Variants in MATN2 observed in about 807,000 individuals in gnomAD.
MATN2 encodes matrilin-2.
A neutral mutation model predicts 103.2 loss-of-function variants in MATN2; 69 were observed. The observed-to-expected ratio is 0.67, with a 90% CI of 0.55 to 0.82. The LOEUF (loss-of-function observed/expected upper bound fraction) is 0.82. Among genes scored for constraint, MATN2 ranks in the 40% least tolerant of loss-of-function variants. The probability of loss-of-function intolerance (pLI) is 0.00; values close to 1 mark genes in which losing one functional copy is unlikely to be tolerated. For synonymous variants in MATN2, 429 were observed against 450.2 expected, an observed-to-expected ratio of 0.95 and a Z score of 0.60; for missense variants, 1,023 against 1,211.5, an observed-to-expected ratio of 0.84 and a Z score of 2.31.
rs1393549772 is a variant in MATN2, at chr8:98,032,287, G to A, written c.2551G>A (p.Glu851Lys). The A allele has an allele frequency of 6.2e-7, 1 of 1,611,980 alleles. No individual in the cohort carries two copies. The highest frequency in any genetic ancestry group is 8.5e-7 in the Non-Finnish European group (1 of 1,178,956). ...SDGRQDSPAGELPKTVQQPTE... is the reference protein window; with the variant it reads ...SDGRQDSPAGKLPKTVQQPTE... ...TGGAAGACAGGACTCTCCAGCAGGG[G>A]AACTGCCAAAAACGGTCCAACAGCC... The change falls in exon 16 of 19, where the codon GAA (glutamate) becomes AAA (lysine). Residue 851 changes from glutamate to lysine, a missense_variant. Transcript: ENST00000254898.
chr8:98,016,651 A>C lies in MATN2; in HGVS notation c.1685A>C (p.Lys562Thr). 1 of 1,611,596 alleles carries C rather than the reference A, an allele frequency of 6.2e-7. No homozygotes were observed. The highest frequency in any genetic ancestry group is 8.5e-7 in the Non-Finnish European group (1 of 1,178,656). The change falls in exon 11 of 19, where the codon AAA (lysine) becomes ACA (threonine). Residue 562 changes from lysine (K) to threonine (T), a missense_variant. Transcript: ENST00000254898. Reference sequence around the variant, plus strand: ...GGTTATATACTCCGTGAAGATGGAAAAACCTGCAGAAGTAAGTTTGTACTG... The same window carrying C: ...GGTTATATACTCCGTGAAGATGGAACAACCTGCAGAAGTAAGTTTGTACTG... ...FEGYILREDG[K>T]TCRRKDVCQA...
chr8:98,034,240 G>A lies in MATN2; in HGVS notation c.2815+581G>A, dbSNP rs569017771. ...CACCAAGGGAACAGCAGGATCCAAT[G>A]ATTCATTTAAACAATATTAAATAAA... On this transcript the variant is annotated intron_variant, in intron 18 of 18. Transcript: ENST00000254898. 1,065 of 453,712 alleles carry A rather than the reference G, an allele frequency of 2.3e-3. 3 individuals carry two copies. Among genetic ancestry groups the A allele is most frequent in the Middle Eastern group, 4.6e-3 (14 of 3,068 alleles). 28.1% of individuals were successfully genotyped at this position (453,712 alleles called of 1,614,324 possible).
chr8:97,963,762 C>A (rs1307594713), intron 5 of MATN2, among the ~76,000 whole-genome samples: 1 of 152,154 alleles, frequency 6.6e-6, no homozygotes, highest in African/African-American at 2.4e-5. Flanking sequence ...GTCAGATGAT[C>A]CTAGCATCAC....
At chr8:97,937,072 C>A (rs777547334) in intron 3 of MATN2, among the ~76,000 whole-genome samples, 6 of 152,236 alleles carry the variant, frequency 3.9e-5, no homozygotes, top group Middle Eastern at 3.4e-3. Flanking sequence ...GAAGCATGGC[C>A]CCACCAGCCC....
intron 1 of MATN2, among the ~76,000 whole-genome samples, chr8:97,879,543 C>G (rs955538270): frequency 3.9e-5 from 6 of 152,200 alleles, no homozygotes; most frequent in African/African-American, 1.4e-4. Context: ...AGAACATTCG[C>G]TGCAGCAGTG....
At chr8:97,954,400 TATCA>T (rs1020829688) in intron 4 of MATN2, among the ~76,000 whole-genome samples, 1 of 152,266 alleles carries the variant, frequency 6.6e-6, no homozygotes, top group African/African-American at 2.4e-5. Flanking sequence ...CTTTGTTTAC[TATCA>T]ATCTTCTATC....
chr8:97,997,420 G>A (rs919097717), intron 7 of MATN2, among the ~76,000 whole-genome samples: 5 of 152,172 alleles, frequency 3.3e-5, no homozygotes, highest in African/African-American at 1.2e-4. Context: ...CTTACTATCT[G>A]TGCACTCAGC....
chr8:97,894,821 T>C (rs754510521), intron 2 of MATN2, among the ~76,000 whole-genome samples: 4 of 152,200 alleles, frequency 2.6e-5, no homozygotes, highest in Non-Finnish European at 4.4e-5. Context: ...AATGTAAGCA[T>C]GGCCTGCTCT....
chr8:97,948,450 G>A (rs1288403186), intron 4 of MATN2, among the ~76,000 whole-genome samples: 1 of 152,142 alleles, frequency 6.6e-6, no homozygotes, highest in Non-Finnish European at 1.5e-5. Context: ...TCAAGACTAA[G>A]TATAAAACAA....
chr8:97,936,796 C>T (rs1810382429), intron 3 of MATN2, among the ~76,000 whole-genome samples: 1 of 152,178 alleles, frequency 6.6e-6, no homozygotes, highest in South Asian at 2.1e-4. Flanking sequence ...CGCAAAGGCC[C>T]ATCCCACAGA....
At chr8:97,934,180 G>A (rs1490735902) in intron 3 of MATN2, among the ~76,000 whole-genome samples, 1 of 152,198 alleles carries the variant, frequency 6.6e-6, no homozygotes, top group East Asian at 1.9e-4. Context: ...ACCTAAAATA[G>A]GTGAAACTCT....
At chr8:98,001,891 A>G (rs1812798357) in intron 7 of MATN2, among the ~76,000 whole-genome samples, 2 of 152,168 alleles carry the variant, frequency 1.3e-5, no homozygotes, top group African/African-American at 4.8e-5. Flanking sequence ...ACTGACAAAG[A>G]AGAACATGGT....
chr8:97,922,632 AG>A (rs111795732), intron 2 of MATN2, among the ~76,000 whole-genome samples: 52 of 152,322 alleles, frequency 3.4e-4, no homozygotes, highest in African/African-American at 1.1e-3. Flanking sequence ...ATCCAGGCTG[AG>A]GGGGACAGGG....
At chr8:97,965,665 T>A (rs1811455291) in intron 5 of MATN2, among the ~76,000 whole-genome samples, 1 of 151,660 alleles carries the variant, frequency 6.6e-6, no homozygotes, top group Non-Finnish European at 1.5e-5. Context: ...GAGACCCCCA[T>A]CTCTACCAAA....
In MATN2 at chr8:98,033,115, G is replaced by C. The variant is rs762513561; in HGVS notation, c.2655G>C (p.Leu885=). 1 of 1,611,174 alleles carries C rather than the reference G, an allele frequency of 6.2e-7. No individual in the cohort carries two copies. Among genetic ancestry groups the C allele is most frequent in the East Asian group, 2.2e-5 (1 of 44,838 alleles). The change falls in exon 17 of 19, where the codon CTG becomes CTC. Residue 885 remains leucine (L), a synonymous_variant. Transcript: ENST00000254898. The stretch of plus-strand genomic sequence containing the variant: ...ATTTTGCAGTGCAACACAGATATCT[G>C]TTTGAAGAAGACAATCTTTTACGGT... ...CSNFAVQHRY[L]FEEDNLLRST...
In MATN2 at chr8:97,951,412, A is replaced by G. The variant is rs139926354; in HGVS notation, c.835+9513A>G. ...TTTCCTCCGCTTGGCTGTTTTTATGAGGACCCAGGCAAGTGGTTCTCAAAG... is the reference window on the plus strand; with the variant it reads ...TTTCCTCCGCTTGGCTGTTTTTATGGGGACCCAGGCAAGTGGTTCTCAAAG... On this transcript the variant is annotated intron_variant, in intron 4 of 18. Transcript: ENST00000254898. Among the ~76,000 whole-genome samples the G allele has an allele frequency of 1.9e-3, 283 of 152,294 alleles. 1 individual carries two copies. The highest frequency in any genetic ancestry group is 6.5e-3 in the African/African-American group (269 of 41,570).
chr8:98,022,784 CT>C (rs1464514703), intron 13 of MATN2, among the ~76,000 whole-genome samples: 1 of 152,194 alleles, frequency 6.6e-6, no homozygotes, highest in Admixed American at 6.5e-5. Context: ...CCCGTGTGAC[CT>C]TGGTCAAATT....
At chr8:97,898,399 C>T (rs1818882790) in intron 2 of MATN2, among the ~76,000 whole-genome samples, 1 of 151,992 alleles carries the variant, frequency 6.6e-6, no homozygotes, top group African/African-American at 2.4e-5. Context: ...AGTTTGAGAC[C>T]AGCCTGGCCA....
intron 4 of MATN2, among the ~76,000 whole-genome samples, chr8:97,945,717 A>AAATATATATATATAT (rs59472539): frequency 1.3e-4 from 16 of 121,808 alleles, no homozygotes; most frequent in African/African-American, 4.7e-4. Flanking sequence ...AAAAAAAAAA[A>AAATATATATATATAT]ATATATATAT....
Sources: allele counts gnomAD v4.1 joint callset (sites outside exome capture counted in the v4.1 genomes callset), GRCh38; gene constraint gnomAD v4.1.1; transcripts MANE v1.5; gene names NCBI Gene and HGNC (gene_info 2026-07-23, HGNC 2026-07-21).